BPIFB1: variants seen among roughly 807,000 people sequenced by gnomAD.
BPIFB1 encodes BPI fold containing family B member 1, also known as BPI fold-containing family B member 1.
BPIFB1 carries 34 observed loss-of-function variants against 55.1 expected under a neutral mutation model. The ratio of observed to expected loss-of-function variants is 0.62; its 90% confidence interval spans 0.47 to 0.82. The LOEUF is 0.82. Among genes scored for constraint, BPIFB1 ranks in the 40% least tolerant of loss-of-function variants. The probability of loss-of-function intolerance (pLI) is 0.00; values close to 1 mark genes in which losing one functional copy is unlikely to be tolerated. For synonymous variants in BPIFB1, 236 were observed against 245.3 expected (o/e 0.96, Z 0.35); for missense variants, 532 against 593.1 (o/e 0.90, Z 1.07).
chr20:33,289,381 CA>C (rs1217903188), intron 3 of BPIFB1, among the ~76,000 whole-genome samples: 18,839 of 105,660 alleles, frequency 0.18, 2,531 homozygotes, highest in African/African-American at 0.41. Context: ...GATTCTGTCT[CA>C]AAAAAAAAAA....
intron 6 of BPIFB1, 110 bp downstream of exon 6, chr20:33,292,098 C>A (rs1980492982): frequency 5.0e-6 from 5 of 1,004,124 alleles, no homozygotes; most frequent in Non-Finnish European, 7.8e-6. Flanking sequence ...GTGGGTTTTG[C>A]TGAAAGAATT....
Position 33,301,391 on chromosome 20 carries a change from C to T in BPIFB1, c.906C>T (p.Phe302=), listed in dbSNP as rs1980847144. 6.2e-7 allele frequency: 1 copy of T among 1,613,820 alleles called. No homozygotes were observed. Among genetic ancestry groups the T allele is most frequent in the South Asian group, 1.1e-5 (1 of 91,066 alleles). Residue 302 remains phenylalanine, a synonymous_variant, in exon 9 of 16, where the codon TTC becomes TTT. Transcript: ENST00000253354. ...AVAAVLSPEE[F]MVLLDSVLPE... ...CTGCTGTGCTCTCTCCAGAAGAATT[C>T]ATGGTCCTGTTGGACTCTGTGGTAA...
At chr20:33,297,614 T>C (rs1427817831) in intron 7 of BPIFB1, 26 bp downstream of exon 7, 1 of 1,613,086 alleles carries the variant, frequency 6.2e-7, no homozygotes, top group Non-Finnish European at 8.5e-7. Context: ...TCTCTCCCAC[T>C]TTTTCCTTTA....
At chr20:33,287,628 G>A (rs1439996050) in intron 2 of BPIFB1, among the ~76,000 whole-genome samples, 1 of 152,188 alleles carries the variant, frequency 6.6e-6, no homozygotes, top group Non-Finnish European at 1.5e-5. Context: ...AAGTTTGCTG[G>A]CTTGTCCCAG....
chr20:33,309,625 C>A lies in BPIFB1; in HGVS notation c.1396-83C>A. ...CATGGTCCCCCGGTGCCAGCAGTCA[C>A]CTTATGGAGGACAAAACCAGCATAA... is the stretch of plus-strand genomic sequence containing the variant. On this transcript the variant is annotated intron_variant, in intron 15 of 15. Transcript: ENST00000253354. The surrounding 1 kb of genome is among the most constrained non-coding windows in gnomAD (Gnocchi z 4.4). 7.3e-7 allele frequency: 1 copy of A among 1,370,540 alleles called. No homozygotes were observed. Among genetic ancestry groups the A allele is most frequent in the Non-Finnish European group, 1.0e-6 (1 of 960,022 alleles). The allele number at this position is 1,370,540 out of a possible 1,614,324, so 84.9% of individuals were successfully genotyped here. A position where few individuals can be genotyped will look rare whatever the true frequency, so the allele number is the denominator to read the frequency against.
At chr20:33,305,865 T>C in intron 13 of BPIFB1, 137 bp from the exon 14 acceptor site, 1 of 968,992 alleles carries the variant, frequency 1.0e-6, no homozygotes. Context: ...CCCACAGCTC[T>C]GATCAGCAGG....
Position 33,307,003 on chromosome 20 carries a change from C to T in BPIFB1, c.1395+16C>T, listed in dbSNP as rs764212685. ...ACTGACCAAGGTGAGTGGGTGTGGC[C>T]CTAAACATCCTGCCCCAGGGAGGGC... On this transcript the variant is annotated intron_variant, in intron 15 of 15. Coordinates refer to ENST00000253354, the MANE Select transcript of BPIFB1 (RefSeq NM_033197.3). 1.9e-6 allele frequency: 3 copies of T among 1,610,620 alleles called. No individual in the cohort carries two copies. Among genetic ancestry groups the T allele is most frequent in the Admixed American group, 1.7e-5 (1 of 60,016 alleles).
intron 5 of BPIFB1, among the ~76,000 whole-genome samples, chr20:33,291,648 CAG>C (rs768269068): frequency 5.3e-5 from 8 of 152,174 alleles, no homozygotes; most frequent in Non-Finnish European, 2.9e-5. Flanking sequence ...AGCAGGAGGA[CAG>C]GGAGAAATGC....
chr20:33,295,993 G>T (rs1980642675), intron 6 of BPIFB1, among the ~76,000 whole-genome samples: 1 of 133,804 alleles, frequency 7.5e-6, no homozygotes, highest in African/African-American at 2.7e-5. Context: ...GGGAGGGAGG[G>T]AGGGAGGGAA....
chr20:33,306,927 G>C lies in BPIFB1; in HGVS notation c.1335G>C (p.Gly445=), dbSNP rs1448409286. 1 of 1,614,026 alleles carries C rather than the reference G, an allele frequency of 6.2e-7. No individual in the cohort carries two copies. The highest frequency in any genetic ancestry group is 1.7e-5 in the Admixed American group (1 of 60,026). ...TTATTTCAGGCAAATTAAGATCTGG[G>C]GTCCCAGTGTCATTGGTGAAGGCCT... ...LPNQNGKLRS[G]VPVSLVKALG... Residue 445 remains glycine (G), a synonymous_variant, in exon 15 of 16, where the codon GGG becomes GGC. Transcript: ENST00000253354.
chr20:33,296,252 C>T (rs988759310), intron 6 of BPIFB1, among the ~76,000 whole-genome samples: 8 of 152,106 alleles, frequency 5.3e-5, no homozygotes, highest in African/African-American at 1.4e-4. Context: ...GGACACTTTC[C>T]GGTGAGAAAC....
chr20:33,284,492 C>T (rs1980201813), intron 1 of BPIFB1, among the ~76,000 whole-genome samples: 3 of 152,168 alleles, frequency 2.0e-5, no homozygotes, highest in Non-Finnish European at 2.9e-5. Flanking sequence ...CCAGCCCTCC[C>T]TCCCAGAGCT....
At chr20:33,295,839 G>A (rs1980632042) in intron 6 of BPIFB1, among the ~76,000 whole-genome samples, 1 of 140,992 alleles carries the variant, frequency 7.1e-6, no homozygotes. Context: ...GAAGGGGAAG[G>A]GGAAGGGAAG....
intron 7 of BPIFB1, chr20:33,299,327 T>A (rs1246921757): frequency 2.6e-6 from 1 of 388,132 alleles, no homozygotes; most frequent in Non-Finnish European, 5.3e-6. Context: ...TGGGGAATTC[T>A]GACGCGAACA....
At position 33,286,107 on chromosome 20, in the gene BPIFB1, G is replaced by A; in HGVS notation, c.34G>A (p.Gly12Ser). The part of the protein sequence containing the change: ...AGPWTFTLLC[G>S]LLAATLIQAT... Reference sequence around the variant, plus strand: ...CCCGTGGACCTTCACCCTTCTCTGTGGTTTGCTGGCAGCCACCTTGATCCA... The same window carrying A: ...CCCGTGGACCTTCACCCTTCTCTGTAGTTTGCTGGCAGCCACCTTGATCCA... Residue 12 changes from glycine (G) to serine (S), a missense_variant, in exon 2 of 16, where the codon GGT becomes AGT. By Grantham distance (56) the Gly-to-Ser change is moderately conservative. Coordinates refer to ENST00000253354, the MANE Select transcript of BPIFB1 (RefSeq NM_033197.3). 6.2e-7 allele frequency: 1 copy of A among 1,614,202 alleles called. No individual in the cohort carries two copies. Among genetic ancestry groups the A allele is most frequent in the Non-Finnish European group, 8.5e-7 (1 of 1,180,040 alleles).
chr20:33,303,955 C>T lies in BPIFB1; in HGVS notation c.1141-3C>T. 2 of 1,613,842 alleles carry T rather than the reference C, an allele frequency of 1.2e-6. No individual in the cohort carries two copies. The highest frequency in any genetic ancestry group is 1.7e-6 in the Non-Finnish European group (2 of 1,179,884). ...AATGGGGCCTGGGCTTCTCTTGTTG[C>T]AGGAAGCCAGCTCGGAAGCTCAGTT... On this transcript the variant is annotated splice_region_variant and splice_polypyrimidine_tract_variant and intron_variant, in intron 11 of 15. Coordinates refer to ENST00000253354, the MANE Select transcript of BPIFB1 (RefSeq NM_033197.3).
At chr20:33,300,828 T>A (rs1337194625) in intron 8 of BPIFB1, among the ~76,000 whole-genome samples, 1 of 152,150 alleles carries the variant, frequency 6.6e-6, no homozygotes, top group Non-Finnish European at 1.5e-5. Flanking sequence ...GCTCAAATGA[T>A]CCTCCCACTT....
intron 12 of BPIFB1, among the ~76,000 whole-genome samples, chr20:33,304,334 C>T (rs1415324297): frequency 6.6e-6 from 1 of 152,196 alleles, no homozygotes; most frequent in Non-Finnish European, 1.5e-5. Context: ...CTGCCTCCTG[C>T]ACCCTGCCTG....
chr20:33,301,685 T>C (rs938623505), intron 9 of BPIFB1, among the ~76,000 whole-genome samples: 1 of 152,220 alleles, frequency 6.6e-6, no homozygotes, highest in Non-Finnish European at 1.5e-5. Flanking sequence ...GCATCTTAGA[T>C]ATGCAGTAGT....
Sources: allele counts gnomAD v4.1 joint callset (sites outside exome capture counted in the v4.1 genomes callset), GRCh38; gene constraint gnomAD v4.1.1; non-coding constraint Gnocchi (gnomAD v3.1); transcripts MANE v1.5; gene names NCBI Gene and HGNC (gene_info 2026-07-23, HGNC 2026-07-21).